The following SNX29 variants were observed in gnomAD, a reference collection of about 807,000 sequenced individuals.
SNX29 encodes sorting nexin-29.
In SNX29, 78 loss-of-function variants were observed where a neutral mutation model predicts 102.1. The ratio of observed to expected loss-of-function variants is 0.76; its 90% CI spans 0.64 to 0.92. The LOEUF is 0.92. Among genes scored for constraint, SNX29 ranks in the 40% least tolerant of loss-of-function variants. The pLI, the probability that SNX29 is intolerant of heterozygous loss-of-function variation, is 0.00. For missense variants in SNX29, 1,280 were observed against 1,061.7 expected (o/e 1.21, Z -2.86); for synonymous variants, 580 against 414.5 (o/e 1.40, Z -4.85).
At chr16:12,431,434 C>CTTCTTTTTTTTTTTTTTTTT (rs779738786) in intron 18 of SNX29, among the ~76,000 whole-genome samples, 3 of 136,950 alleles carry the variant, frequency 2.2e-5, no homozygotes, top group African/African-American at 5.4e-5. Flanking sequence ...TCTTCTTCTT[C>CTTCTTTTTTTTTTTTTTTTT]TTTTTTTTTT....
intron 19 of SNX29, among the ~76,000 whole-genome samples, chr16:12,498,578 A>C (rs935278420): frequency 6.6e-6 from 1 of 152,224 alleles, no homozygotes; most frequent in Admixed American, 6.5e-5. Flanking sequence ...CTGAAAATAC[A>C]GTGGGAAATT....
intron 18 of SNX29, among the ~76,000 whole-genome samples, chr16:12,422,414 C>T (rs1000857577): frequency 3.3e-5 from 5 of 152,140 alleles, no homozygotes; most frequent in African/African-American, 7.2e-5. Flanking sequence ...CAAAATTAGG[C>T]GGGGTGGGGC....
At chr16:12,187,626 C>G (rs568666863) in intron 13 of SNX29, among the ~76,000 whole-genome samples, 2 of 151,836 alleles carry the variant, frequency 1.3e-5, no homozygotes. Flanking sequence ...TGGGGCCTGT[C>G]GGGAAACAAT....
chr16:12,381,043 C>T (rs1163204532), intron 16 of SNX29, among the ~76,000 whole-genome samples: 1 of 83,204 alleles, frequency 1.2e-5, no homozygotes, highest in Non-Finnish European at 2.5e-5. Context: ...ACCATCCATC[C>T]ACCCACCTAC....
Position 12,572,005 on chromosome 16 carries a change from A to C in SNX29, c.*3376A>C, listed in dbSNP as rs2079198199. Reference sequence around the variant, plus strand: ...TCACATCCAGTCACCAGTTGCATCTAGGGAGCTGCTGGCTATAAAAGGGAT... The same window carrying C: ...TCACATCCAGTCACCAGTTGCATCTCGGGAGCTGCTGGCTATAAAAGGGAT... On this transcript the variant is annotated 3_prime_UTR_variant, in exon 21 of 21. Coordinates refer to ENST00000566228, the MANE Select transcript of SNX29 (RefSeq NM_032167.5). 2 of 1,062,398 alleles carry C rather than the reference A, an allele frequency of 1.9e-6. No homozygotes were observed. Among genetic ancestry groups the C allele is most frequent in the Non-Finnish European group, 2.3e-6 (2 of 877,456 alleles). The allele number at this position is 1,062,398 out of a possible 1,614,324, so 65.8% of individuals were successfully genotyped here.
At chr16:12,483,113 A>AGTTTTTT (rs1567610132) in intron 19 of SNX29, among the ~76,000 whole-genome samples, 17 of 60,488 alleles carry the variant, frequency 2.8e-4, no homozygotes, top group African/African-American at 1.1e-3. Context: ...GAAGTTATTA[A>AGTTTTTT]GTTTTTTTTT....
intron 14 of SNX29, among the ~76,000 whole-genome samples, chr16:12,269,844 C>A (rs983081371): frequency 9.2e-6 from 1 of 108,422 alleles, no homozygotes; most frequent in African/African-American, 3.5e-5. Context: ...TCACCATCAT[C>A]ATCATCATCA....
Position 12,120,856 on chromosome 16 carries a change from G to A in SNX29, c.1403-5777G>A, listed in dbSNP as rs966774740. Among the ~76,000 whole-genome samples, 10 of 152,204 alleles carry A rather than the reference G, an allele frequency of 6.6e-5. No individual in the cohort carries two copies. The East Asian group carries it at 1.2e-3, about 18-fold the overall frequency. On this transcript the variant is annotated intron_variant, in intron 11 of 20. Coordinates refer to ENST00000566228, the MANE Select transcript of SNX29 (RefSeq NM_032167.5). ...TCCTCCCCATGCCTGTCGCATTCCC[G>A]AGATGCATAATGGAAAAAGCTCAAC...
At chr16:11,991,033 G>A (rs908207658) in intron 1 of SNX29, among the ~76,000 whole-genome samples, 1 of 152,166 alleles carries the variant, frequency 6.6e-6, no homozygotes, top group Admixed American at 6.6e-5. Context: ...TATTGACTGC[G>A]GGACTCTTTC....
intron 9 of SNX29, among the ~76,000 whole-genome samples, chr16:12,062,923 G>C (rs1048470855): frequency 2.6e-5 from 4 of 151,944 alleles, no homozygotes; most frequent in Non-Finnish European, 4.4e-5. Context: ...GTGCATTACT[G>C]CTCTGAGCGT....
intron 13 of SNX29, among the ~76,000 whole-genome samples, chr16:12,144,744 C>T (rs957214611): frequency 5.9e-5 from 9 of 152,208 alleles, no homozygotes; most frequent in African/African-American, 1.4e-4. Context: ...TTTTTTGAGA[C>T]GGAGTCTCGC....
chr16:12,279,840 G>A (rs145466679), intron 15 of SNX29, among the ~76,000 whole-genome samples: 3 of 152,314 alleles, frequency 2.0e-5, no homozygotes, highest in Non-Finnish European at 2.9e-5. Flanking sequence ...AAGGTGAAAG[G>A]GTTCTCAGAA....
chr16:12,380,377 C>CACCCCCCCACCCACCCATCATCT (rs2083033852), intron 16 of SNX29, among the ~76,000 whole-genome samples: 3 of 60,422 alleles, frequency 5.0e-5, no homozygotes, highest in African/African-American at 1.1e-4. Flanking sequence ...TCCACTTATC[C>CACCCCCCCACCCACCCATCATCT]ACCCACCCAC....
At chr16:12,383,197 G>C (rs1468772683) in intron 16 of SNX29, among the ~76,000 whole-genome samples, 1 of 152,142 alleles carries the variant, frequency 6.6e-6, no homozygotes, top group South Asian at 2.1e-4. Context: ...ATTGTGATGA[G>C]CTTGGAGCTT....
chr16:12,472,337 A>G (rs2087386331), intron 18 of SNX29, among the ~76,000 whole-genome samples: 1 of 152,122 alleles, frequency 6.6e-6, no homozygotes, highest in African/African-American at 2.4e-5. Context: ...CCTGGCCAAC[A>G]TGGTGAAACC....
At chr16:12,564,030 T>G (rs1382519274) in intron 20 of SNX29, among the ~76,000 whole-genome samples, 1 of 150,464 alleles carries the variant, frequency 6.6e-6, no homozygotes, top group Non-Finnish European at 1.5e-5. Flanking sequence ...AGTTGAGGAG[T>G]TGCACCGGTA....
At chr16:12,564,731 G>A (rs1450877486) in intron 20 of SNX29, among the ~76,000 whole-genome samples, 1 of 151,954 alleles carries the variant, frequency 6.6e-6, no homozygotes, top group Non-Finnish European at 1.5e-5. Flanking sequence ...TAAAAATGCA[G>A]TTGTGCCTAA....
chr16:11,981,484 C>G (rs1287758774), intron 1 of SNX29, among the ~76,000 whole-genome samples: 2 of 152,128 alleles, frequency 1.3e-5, no homozygotes, highest in Non-Finnish European at 2.9e-5. Context: ...CTCCTTTTCC[C>G]CCTTGCATTT....
intron 14 of SNX29, among the ~76,000 whole-genome samples, chr16:12,263,156 G>C (rs1234818348): frequency 6.8e-6 from 1 of 146,870 alleles, no homozygotes; most frequent in South Asian, 2.1e-4. Flanking sequence ...TTTTGAGACA[G>C]GATCTCACTC....
Sources: allele counts gnomAD v4.1 joint callset (sites outside exome capture counted in the v4.1 genomes callset), GRCh38; gene constraint gnomAD v4.1.1; transcripts MANE v1.5; gene names NCBI Gene and HGNC (gene_info 2026-07-23, HGNC 2026-07-21).